C11orf65: variants seen among roughly 807,000 people sequenced by gnomAD.
C11orf65 encodes chromosome 11 open reading frame 65.
A neutral mutation model predicts 35.3 loss-of-function variants in C11orf65; 38 were observed. The observed-to-expected ratio is 1.08, with a 90% CI of 0.83 to 1.41. The LOEUF (loss-of-function observed/expected upper bound fraction) is 1.41, where lower values mean the gene tolerates loss of function less well. Among genes scored for constraint, C11orf65 ranks in the 40% most tolerant of loss-of-function variants. The pLI is 0.00. For synonymous variants in C11orf65, 105 were observed against 114.4 expected, an observed-to-expected ratio of 0.92 and a Z score of 0.53; for missense variants, 370 against 367.1, an observed-to-expected ratio of 1.01 and a Z score of -0.06.
At chr11:108,388,876 A>C (rs1482063522) in intron 7 of C11orf65, among the ~76,000 whole-genome samples, 1 of 152,246 alleles carries the variant, frequency 6.6e-6, no homozygotes, top group African/African-American at 2.4e-5. Flanking sequence ...AGTACTCATT[A>C]GTGTGTTTGA....
downstream of C11orf65, among the ~76,000 whole-genome samples, chr11:108,380,470 AC>A (rs1451693371): frequency 6.6e-6 from 1 of 151,690 alleles, no homozygotes; most frequent in Non-Finnish European, 1.5e-5. Context: ...TTCACATATC[AC>A]TTTTATGCTT....
chr11:108,402,587 G>C (rs1251644125), intron 6 of C11orf65, among the ~76,000 whole-genome samples: 3 of 151,686 alleles, frequency 2.0e-5, no homozygotes, highest in Admixed American at 2.0e-4. Context: ...ATTTTATTGA[G>C]GTATGGTTGA....
intron 6 of C11orf65, among the ~76,000 whole-genome samples, chr11:108,400,494 T>C (rs774680162): frequency 7.9e-5 from 12 of 152,170 alleles, no homozygotes; most frequent in Non-Finnish European, 1.8e-4. Context: ...AGGTGATGTA[T>C]CTTCGGGAAC....
chr11:108,462,944 AC>A (rs1303846894), intron 1 of C11orf65, among the ~76,000 whole-genome samples: 2 of 151,934 alleles, frequency 1.3e-5, no homozygotes, highest in Non-Finnish European at 2.9e-5. Flanking sequence ...ATATAGCGAG[AC>A]CCCCATCTCT....
intron 3 of C11orf65, among the ~76,000 whole-genome samples, chr11:108,425,801 G>A (rs920391116): frequency 6.6e-6 from 1 of 152,086 alleles, no homozygotes; most frequent in African/African-American, 2.4e-5. Flanking sequence ...TATCCACCAC[G>A]ATCAAGTCGG....
chr11:108,381,801 A>T (rs1267996862), downstream of C11orf65, among the ~76,000 whole-genome samples: 1 of 152,150 alleles, frequency 6.6e-6, no homozygotes, highest in African/African-American at 2.4e-5. Flanking sequence ...TCTTCCTTTT[A>T]AGAGATAGAG....
intron 2 of C11orf65, among the ~76,000 whole-genome samples, chr11:108,373,889 G>A (rs1052401589): frequency 2.0e-5 from 3 of 152,212 alleles, no homozygotes; most frequent in South Asian, 2.1e-4. Flanking sequence ...CACCTGGCTT[G>A]GAGGGTCCTA....
In C11orf65 at chr11:108,383,206, T is replaced by C. The variant is rs367991821; in HGVS notation, c.788-31A>G. ...GAGAAGTGACAAATGATTAGAAAGA[T>C]ACCAGATATAATAAGATGCTCACTC... On this transcript the variant is annotated intron_variant, in intron 8 of 8. Transcript: ENST00000393084. The C allele has an allele frequency of 9.3e-6, 14 of 1,500,628 alleles. No homozygotes were observed. The African/African-American group carries it at 2.0e-4, about 21-fold the overall frequency. The allele number at this position is 1,500,628 out of a possible 1,614,324, so 93.0% of individuals were successfully genotyped here. A position where few individuals can be genotyped will look rare whatever the true frequency, so the allele number is the denominator to read the frequency against.
At position 108,353,879 on chromosome 11, in the gene C11orf65, A is replaced by C. The variant is rs1013290424; in HGVS notation, c.227-18587T>G. ...TACGGGTGTTGAAGGTGTCTTCAGAAGGTAAGTGATATGAAGTAAAGGAGG... is the reference window on the plus strand; with the variant it reads ...TACGGGTGTTGAAGGTGTCTTCAGACGGTAAGTGATATGAAGTAAAGGAGG... On this transcript the variant is annotated intron_variant, in intron 2 of 3. Transcript: ENST00000524755. 1 of 1,609,648 alleles carries C rather than the reference A, an allele frequency of 6.2e-7. No individual in the cohort carries two copies. The highest frequency in any genetic ancestry group is 1.7e-5 in the Admixed American group (1 of 59,990).
At chr11:108,451,856 T>A (rs1232022323) in intron 2 of C11orf65, among the ~76,000 whole-genome samples, 2 of 152,040 alleles carry the variant, frequency 1.3e-5, no homozygotes, top group Non-Finnish European at 1.5e-5. Context: ...ATACCACACA[T>A]CTACAACCAT....
intron 2 of C11orf65, chr11:108,365,304 C>T (rs2137900244): frequency 6.2e-7 from 1 of 1,614,180 alleles, no homozygotes; most frequent in South Asian, 1.1e-5. Context: ...CTCACTGAAA[C>T]CTTTGTGTTT....
intron 2 of C11orf65, among the ~76,000 whole-genome samples, chr11:108,359,501 C>T (rs1310410147): frequency 2.6e-5 from 4 of 151,988 alleles, no homozygotes; most frequent in Non-Finnish European, 2.9e-5. Context: ...ACATTTTTTT[C>T]AGCACCACAC....
chr11:108,460,579 T>C (rs1591618946), intron 2 of C11orf65, among the ~76,000 whole-genome samples: 1 of 152,124 alleles, frequency 6.6e-6, no homozygotes, highest in Non-Finnish European at 1.5e-5. Context: ...AGAAATAAAG[T>C]GTTGAGAGGT....
intron 1 of C11orf65, among the ~76,000 whole-genome samples, chr11:108,464,948 G>A (rs2093516975): frequency 6.6e-6 from 1 of 151,804 alleles, no homozygotes; most frequent in Admixed American, 6.6e-5. Flanking sequence ...CATTCTATGG[G>A]AATGCTTGAC....
intron 2 of C11orf65, among the ~76,000 whole-genome samples, chr11:108,357,773 T>G (rs1040172269): frequency 6.6e-6 from 1 of 151,880 alleles, no homozygotes. Context: ...AGAAAGGATA[T>G]CCACACCAAA....
intron 3 of C11orf65, among the ~76,000 whole-genome samples, chr11:108,423,244 C>T (rs1460917927): frequency 6.6e-6 from 1 of 152,112 alleles, no homozygotes; most frequent in East Asian, 1.9e-4. Flanking sequence ...CCATTCACTC[C>T]CCTAGAAAGG....
intron 3 of C11orf65, among the ~76,000 whole-genome samples, chr11:108,412,318 A>G (rs1460958233): frequency 1.3e-5 from 2 of 152,176 alleles, no homozygotes; most frequent in Admixed American, 6.5e-5. Context: ...GAGAAAAAAA[A>G]AACAATGGCA....
At chr11:108,458,237 T>C (rs752784165) in intron 2 of C11orf65, among the ~76,000 whole-genome samples, 4 of 150,908 alleles carry the variant, frequency 2.7e-5, no homozygotes, top group Non-Finnish European at 4.4e-5. Flanking sequence ...TTGGGTGTGG[T>C]GGCACGTGCC....
intron 3 of C11orf65, among the ~76,000 whole-genome samples, chr11:108,407,948 AAAAAG>A (rs1555166206): frequency 6.1e-5 from 7 of 114,774 alleles, no homozygotes; most frequent in African/African-American, 2.1e-4. Context: ...AAAAAAAAAA[AAAAAG>A]AAAAGAAAAG....
Sources: gnomAD v4.1 joint callset for allele counts (sites outside exome capture counted in the v4.1 genomes callset) on GRCh38, gnomAD v4.1.1 for gene constraint, MANE v1.5 for transcripts, NCBI Gene and HGNC (gene_info 2026-07-23, HGNC 2026-07-21) for gene names.